Variants in ABTB2 observed in about 807,000 individuals in gnomAD.
ABTB2 encodes the protein ankyrin repeat and BTB/POZ domain-containing protein 2.
ABTB2 carries 56 observed loss-of-function variants against 104.1 expected under a neutral mutation model. That is an observed-to-expected ratio of 0.54 (90% confidence interval 0.43 to 0.67). The LOEUF is 0.67. Ranked by LOEUF, ABTB2 falls within the 30% of genes least tolerant of loss-of-function variation. The probability of loss-of-function intolerance (pLI) is 0.00; values close to 1 mark genes in which losing one functional copy is unlikely to be tolerated. For synonymous variants in ABTB2, 606 were observed against 608.2 expected (o/e 1.00, Z 0.05); for missense variants, 1,279 against 1,407.7 (o/e 0.91, Z 1.46).
rs1375893064 is a variant in ABTB2 at position 34,252,662 on chromosome 11, T to A, written c.884-47972A>T. 6.6e-6 allele frequency among the ~76,000 whole-genome samples: 1 copy of A among 152,122 alleles called. No homozygotes were observed. Among genetic ancestry groups the A allele is most frequent in the Non-Finnish European group, 1.5e-5 (1 of 68,006 alleles). The stretch of plus-strand genomic sequence containing the variant: ...TCCTGGTCCAGCACCTTCCTGAGGC[T>A]TAGAAGCTCTCCTGCCCTGGGGCTC... On this transcript the variant is annotated intron_variant, in intron 1 of 16. Transcript: ENST00000435224. This position sits in a 1 kb window ranked among gnomAD's most constrained non-coding sequence, Gnocchi z 5.5.
intron 1 of ABTB2, among the ~76,000 whole-genome samples, chr11:34,277,603 GTGAA>G (rs1854397554): frequency 0.15 from 8 of 54 alleles, no homozygotes; most frequent in Non-Finnish European, 0.18. Context: ...GGCCAATATG[GTGAA>G]CCCCATCTCT....
At chr11:34,302,990 C>G (rs1388186392) in intron 1 of ABTB2, among the ~76,000 whole-genome samples, 1 of 152,230 alleles carries the variant, frequency 6.6e-6, no homozygotes, top group Non-Finnish European at 1.5e-5. Flanking sequence ...TTTCCTGGCT[C>G]TGGCAGATTG....
intron 1 of ABTB2, among the ~76,000 whole-genome samples, chr11:34,260,923 G>GCCAGGAGCTCGAGA (rs58132270): frequency 0.3 from 45,379 of 151,978 alleles, 8,620 homozygotes; most frequent in African/African-American, 0.54. Flanking sequence ...CTCACCTGAG[G>GCCAGGAGCTCGAGA]CCAGCATGGC....
intron 1 of ABTB2, among the ~76,000 whole-genome samples, chr11:34,246,031 C>T (rs907441588): frequency 2.6e-5 from 4 of 152,244 alleles, no homozygotes; most frequent in Non-Finnish European, 4.4e-5. Context: ...GCTTCTAAAA[C>T]GTTCAGGCCA....
At chr11:34,212,771 C>T (rs1853497462) in intron 1 of ABTB2, among the ~76,000 whole-genome samples, 1 of 152,232 alleles carries the variant, frequency 6.6e-6, no homozygotes, top group Non-Finnish European at 1.5e-5. Flanking sequence ...CTCCACTTAA[C>T]ACTTCATTCT....
At chr11:34,223,891 C>T (rs1853656515) in intron 1 of ABTB2, among the ~76,000 whole-genome samples, 1 of 152,198 alleles carries the variant, frequency 6.6e-6, no homozygotes, top group African/African-American at 2.4e-5. Context: ...TGTCTACACC[C>T]TGTAAACCCA....
At chr11:34,276,486 T>C (rs1854383079) in intron 1 of ABTB2, among the ~76,000 whole-genome samples, 1 of 152,094 alleles carries the variant, frequency 6.6e-6, no homozygotes. Context: ...GTGGAAAAAA[T>C]ATAGGGCCAC....
At chr11:34,317,655 G>C (rs1264992911) in intron 1 of ABTB2, among the ~76,000 whole-genome samples, 1 of 151,292 alleles carries the variant, frequency 6.6e-6, no homozygotes, top group Non-Finnish European at 1.5e-5. Flanking sequence ...CCAGCTACTT[G>C]AGAGGATGAG....
At chr11:34,228,751 T>C (rs1209403034) in intron 1 of ABTB2, among the ~76,000 whole-genome samples, 1 of 152,184 alleles carries the variant, frequency 6.6e-6, no homozygotes, top group Non-Finnish European at 1.5e-5. Flanking sequence ...CTACCAGTGG[T>C]GTATGAAGGC....
intron 1 of ABTB2, among the ~76,000 whole-genome samples, chr11:34,228,392 G>T (rs1853714182): frequency 7.0e-6 from 1 of 142,418 alleles, no homozygotes; most frequent in South Asian, 2.3e-4. Context: ...TTGAGATAAG[G>T]TCTCACTTTG....
chr11:34,283,356 C>T (rs1481732895), intron 1 of ABTB2, among the ~76,000 whole-genome samples: 1 of 152,022 alleles, frequency 6.6e-6, no homozygotes, highest in African/African-American at 2.4e-5. Flanking sequence ...GCTGGGATTA[C>T]AGGCACGTGC....
chr11:34,214,176 A>ACACACACACACACAC (rs1853521683), intron 1 of ABTB2, among the ~76,000 whole-genome samples: 5 of 150,436 alleles, frequency 3.3e-5, no homozygotes, highest in African/African-American at 1.2e-4. Flanking sequence ...ACACACACAC[A>ACACACACACACACAC]AAGTAAATGG....
intron 1 of ABTB2, among the ~76,000 whole-genome samples, chr11:34,256,816 G>C (rs962747244): frequency 6.6e-6 from 1 of 152,202 alleles, no homozygotes; most frequent in Non-Finnish European, 1.5e-5. Context: ...AGAGCCACAG[G>C]CTAACCAAGA....
At chr11:34,291,781 C>A (rs1288018722) in intron 1 of ABTB2, among the ~76,000 whole-genome samples, 1 of 152,204 alleles carries the variant, frequency 6.6e-6, no homozygotes, top group Non-Finnish European at 1.5e-5. Context: ...CAGGCGTGAG[C>A]CACCACGCCC....
chr11:34,222,559 A>T (rs1853637988), intron 1 of ABTB2, among the ~76,000 whole-genome samples: 1 of 152,208 alleles, frequency 6.6e-6, no homozygotes, highest in Non-Finnish European at 1.5e-5. Flanking sequence ...AACAGGCCTC[A>T]TAACAGGCAC....
chr11:34,241,882 G>A (rs138485378), intron 1 of ABTB2, among the ~76,000 whole-genome samples: 1,913 of 152,332 alleles, frequency 0.013, 22 homozygotes, highest in Middle Eastern at 0.051. Context: ...CTGAGTTTAA[G>A]TCAGAAACAG....
Position 34,151,993 on chromosome 11 carries a change from A to T in ABTB2, c.*394T>A. The stretch of plus-strand genomic sequence containing the variant: ...CATTCATAAGGATTCCTGTACCCCC[A>T]GGAGCCCCAGTTGGGATGGTCTGAG... On this transcript the variant is annotated 3_prime_UTR_variant, in exon 17 of 17. Coordinates refer to ENST00000435224, the MANE Select transcript of ABTB2 (RefSeq NM_145804.3). 4.3e-6 allele frequency: 1 copy of T among 233,012 alleles called. No individual in the cohort carries two copies. The highest frequency in any genetic ancestry group is 7.2e-5 in the South Asian group (1 of 13,796). 14.4% of individuals were successfully genotyped at this position (233,012 alleles called of 1,614,324 possible). A position where few individuals can be genotyped will look rare whatever the true frequency, so the allele number is the denominator to read the frequency against.
intron 1 of ABTB2, among the ~76,000 whole-genome samples, chr11:34,271,203 T>C (rs757052364): frequency 1.8e-4 from 27 of 152,216 alleles, no homozygotes; most frequent in Non-Finnish European, 3.5e-4. Flanking sequence ...GTCCTTGCCA[T>C]GTCCTGATTC....
intron 1 of ABTB2, among the ~76,000 whole-genome samples, chr11:34,258,717 T>A (rs1854154223): frequency 2.0e-5 from 3 of 150,758 alleles, no homozygotes; most frequent in Admixed American, 6.7e-5. Context: ...GCTCAAGCAG[T>A]TCTCCTGCCT....
Sources: gnomAD v4.1 joint callset for allele counts (sites outside exome capture counted in the v4.1 genomes callset) on GRCh38, gnomAD v4.1.1 for gene constraint, Gnocchi (gnomAD v3.1) non-coding constraint, MANE v1.5 for transcripts, NCBI Gene and HGNC (gene_info 2026-07-23, HGNC 2026-07-21) for gene names.